Variants in AMBRA1 observed in about 807,000 individuals in gnomAD.
AMBRA1 encodes activating molecule in BECN1-regulated autophagy protein 1.
In AMBRA1, 47 loss-of-function variants were observed where a neutral mutation model predicts 125.4. The ratio of observed to expected loss-of-function variants is 0.37; its 90% CI spans 0.30 to 0.48. The LOEUF (loss-of-function observed/expected upper bound fraction) is 0.48, where lower values mean the gene tolerates loss of function less well. Among genes scored for constraint, AMBRA1 ranks in the 20% least tolerant of loss-of-function variants. The pLI is 0.99. For synonymous variants in AMBRA1, 626 were observed against 655.5 expected, an observed-to-expected ratio of 0.95 and a Z score of 0.69; for missense variants, 1,331 against 1,693.4, an observed-to-expected ratio of 0.79 and a Z score of 3.76.
At chr11:46,529,567 C>T (rs7109222) in intron 7 of AMBRA1, among the ~76,000 whole-genome samples, 1 of 152,172 alleles carries the variant, frequency 6.6e-6, no homozygotes, top group East Asian at 1.9e-4. Context: ...AATGCAATGG[C>T]CAAGTACACA....
intron 11 of AMBRA1, among the ~76,000 whole-genome samples, chr11:46,448,430 T>C (rs973490077): frequency 3.9e-5 from 6 of 152,172 alleles, no homozygotes; most frequent in Admixed American, 1.3e-4. Context: ...AATGAAAACA[T>C]GACTTCTCAA....
intron 1 of AMBRA1, among the ~76,000 whole-genome samples, chr11:46,586,372 G>A (rs1232981726): frequency 6.6e-6 from 1 of 152,088 alleles, no homozygotes; most frequent in Non-Finnish European, 1.5e-5. Flanking sequence ...TTGTGCCACC[G>A]CACCAGAGCA....
At position 46,397,461 on chromosome 11, in the gene AMBRA1, G is replaced by A. The variant is rs532283905; in HGVS notation, c.3886C>T (p.Arg1296Trp). The A allele has an allele frequency of 1.7e-5, 26 of 1,506,476 alleles. No homozygotes were observed. Among genetic ancestry groups the A allele is most frequent in the Middle Eastern group, 1.8e-4 (1 of 5,410 alleles). 93.3% of individuals were successfully genotyped at this position (1,506,476 alleles called of 1,614,324 possible). The change falls in exon 18 of 18, where the codon CGG becomes TGG. Residue 1296 changes from arginine to tryptophan, a missense_variant. Transcript: ENST00000683756. Reference sequence around the variant, plus strand: ...TGCAACGTTTGTCTCTACCTGTTCCGTGGTTCTCCCCTAGGGCCTGCAGCG... The same window carrying A: ...TGCAACGTTTGTCTCTACCTGTTCCATGGTTCTCCCCTAGGGCCTGCAGCG... ...GDAAGPRGEPRNR is the reference protein window; with the variant it reads ...GDAAGPRGEPWNR
At position 46,447,359 on chromosome 11, in the gene AMBRA1, A is replaced by G. The variant is rs531281555; in HGVS notation, c.2522-3761T>C. Among the ~76,000 whole-genome samples the G allele has an allele frequency of 2.0e-5, 3 of 152,212 alleles. No homozygotes were observed. In the East Asian group the frequency reaches 5.8e-4, roughly 29 times the overall value. On this transcript the variant is annotated intron_variant, in intron 11 of 17. Coordinates refer to ENST00000683756, the MANE Select transcript of AMBRA1 (RefSeq NM_001387011.1). Reference sequence around the variant, plus strand: ...AGACCAGCGTGACCAACATGGTGAAACCCTACCTCTACTAAAAATACAAAA... The same window carrying G: ...AGACCAGCGTGACCAACATGGTGAAGCCCTACCTCTACTAAAAATACAAAA...
intron 14 of AMBRA1, among the ~76,000 whole-genome samples, chr11:46,418,475 C>T (rs191086617): frequency 2.7e-5 from 4 of 150,722 alleles, no homozygotes; most frequent in African/African-American, 7.3e-5. Context: ...TATGTATACA[C>T]GTGCCACGTT....
chr11:46,582,747 A>C (rs1361053975), intron 1 of AMBRA1, among the ~76,000 whole-genome samples: 2 of 152,194 alleles, frequency 1.3e-5, no homozygotes, highest in African/African-American at 4.8e-5. Flanking sequence ...TAAGGTTGTT[A>C]GTTGGAATGA....
At chr11:46,460,977 G>A (rs991737594) in intron 11 of AMBRA1, among the ~76,000 whole-genome samples, 3 of 152,186 alleles carry the variant, frequency 2.0e-5, no homozygotes, top group Non-Finnish European at 4.4e-5. Flanking sequence ...GAGTGGTGGT[G>A]CACACTTATA....
chr11:46,437,666 C>T (rs1394730987), intron 12 of AMBRA1, among the ~76,000 whole-genome samples: 4 of 152,210 alleles, frequency 2.6e-5, no homozygotes, highest in African/African-American at 9.6e-5. Context: ...GCAGCTTCCT[C>T]TCGTAAGGCT....
At chr11:46,526,257 T>A (rs1951965743) in intron 7 of AMBRA1, among the ~76,000 whole-genome samples, 1 of 151,864 alleles carries the variant, frequency 6.6e-6, no homozygotes, top group Non-Finnish European at 1.5e-5. Context: ...AAAATAGATA[T>A]GGCCCTTAGA....
rs117023752 is a variant in AMBRA1, at chr11:46,480,199, C to G, written c.2521+13409G>C. On this transcript the variant is annotated intron_variant, in intron 11 of 17. Coordinates refer to ENST00000683756, the MANE Select transcript of AMBRA1 (RefSeq NM_001387011.1). ...ATCTTCCCACCTCAAGATCTATAAT[C>G]TTAATCATAACTGCAAAGTCCTTTC... Among the ~76,000 whole-genome samples, 117 of 152,288 alleles carry G rather than the reference C, an allele frequency of 7.7e-4. No homozygotes were observed. In the East Asian group the frequency reaches 0.021, roughly 28 times the overall value.
chr11:46,499,211 C>G (rs1486519652), intron 9 of AMBRA1, among the ~76,000 whole-genome samples: 1 of 152,164 alleles, frequency 6.6e-6, no homozygotes, highest in South Asian at 2.1e-4. Flanking sequence ...CTACATTATG[C>G]AAATCCACAT....
At chr11:46,406,816 G>C (rs1198001468) in intron 17 of AMBRA1, among the ~76,000 whole-genome samples, 2 of 151,908 alleles carry the variant, frequency 1.3e-5, no homozygotes, top group African/African-American at 4.8e-5. Flanking sequence ...CTGGGAGGCA[G>C]AGGTTGCAGT....
chr11:46,401,136 C>A (rs12574668), intron 17 of AMBRA1, among the ~76,000 whole-genome samples: 33,116 of 152,126 alleles, frequency 0.22, 4,387 homozygotes, highest in African/African-American at 0.38. Flanking sequence ...AATGCTTTCT[C>A]AGAACTCTGT....
At chr11:46,492,607 A>C (rs1451398828) in intron 11 of AMBRA1, among the ~76,000 whole-genome samples, 1 of 152,116 alleles carries the variant, frequency 6.6e-6, no homozygotes, top group African/African-American at 2.4e-5. Context: ...TGTGACAGGG[A>C]AACAACCTTT....
intron 15 of AMBRA1, among the ~76,000 whole-genome samples, chr11:46,413,009 C>A (rs1946368858): frequency 6.6e-6 from 1 of 152,212 alleles, no homozygotes; most frequent in Admixed American, 6.5e-5. Context: ...CTAGCCAGGG[C>A]TGGTTAGTGA....
chr11:46,478,686 C>A (rs1348820187), intron 11 of AMBRA1, among the ~76,000 whole-genome samples: 2 of 98,666 alleles, frequency 2.0e-5, no homozygotes, highest in Non-Finnish European at 3.7e-5. Context: ...TGGAGTTTCG[C>A]TCTTGTTGCC....
chr11:46,399,713 T>C (rs1318525917), intron 17 of AMBRA1, among the ~76,000 whole-genome samples: 1 of 152,212 alleles, frequency 6.6e-6, no homozygotes, highest in Non-Finnish European at 1.5e-5. Context: ...TTCCTTCTCT[T>C]CTTTCCCTTT....
intron 1 of AMBRA1, among the ~76,000 whole-genome samples, chr11:46,573,058 G>A (rs1027366145): frequency 5.4e-5 from 8 of 148,838 alleles, no homozygotes; most frequent in African/African-American, 1.2e-4. Flanking sequence ...CCAAGATCGC[G>A]CCATTGCACT....
At chr11:46,500,648 G>A (rs2135005742) in intron 9 of AMBRA1, among the ~76,000 whole-genome samples, 1 of 152,270 alleles carries the variant, frequency 6.6e-6, no homozygotes, top group South Asian at 2.1e-4. Context: ...CATAGCTCTA[G>A]CCACAGATCT....
Sources: gnomAD v4.1 joint callset for allele counts (sites outside exome capture counted in the v4.1 genomes callset) on GRCh38, gnomAD v4.1.1 for gene constraint, MANE v1.5 for transcripts, NCBI Gene and HGNC (gene_info 2026-07-23, HGNC 2026-07-21) for gene names.